Variants in PAX7 observed in about 807,000 individuals in gnomAD.
PAX7 encodes the protein paired box 7.
In PAX7, 18 loss-of-function variants were observed where a neutral mutation model predicts 50.7. The observed-to-expected ratio is 0.36, with a 90% CI of 0.25 to 0.53. The LOEUF (loss-of-function observed/expected upper bound fraction) is 0.53, where lower values mean the gene tolerates loss of function less well. Ranked by LOEUF, PAX7 falls within the 20% of genes least tolerant of loss-of-function variation. PAX7 has a pLI of 0.93. For synonymous variants in PAX7, 310 were observed against 290.4 expected, an observed-to-expected ratio of 1.07 and a Z score of -0.69; for missense variants, 644 against 702.9, an observed-to-expected ratio of 0.92 and a Z score of 0.95.
At chr1:18,678,785 A>G (rs2088858455) in intron 4 of PAX7, among the ~76,000 whole-genome samples, 1 of 151,648 alleles carries the variant, frequency 6.6e-6, no homozygotes, top group African/African-American at 2.4e-5. Context: ...AACTAATTTG[A>G]AGCCATCATC....
At chr1:18,723,589 C>T (rs1426301250) in intron 7 of PAX7, among the ~76,000 whole-genome samples, 1 of 152,234 alleles carries the variant, frequency 6.6e-6, no homozygotes, top group Admixed American at 6.5e-5. Flanking sequence ...TAGCCACAAA[C>T]GTGTCCAGGA....
intron 4 of PAX7, among the ~76,000 whole-genome samples, chr1:18,673,829 T>A (rs147528536): frequency 2.1e-4 from 32 of 152,246 alleles, no homozygotes; most frequent in Admixed American, 3.9e-4. Flanking sequence ...GCATTTGCAT[T>A]TGGGGGCCCT....
At chr1:18,677,407 T>C (rs1411766701) in intron 4 of PAX7, among the ~76,000 whole-genome samples, 4 of 152,102 alleles carry the variant, frequency 2.6e-5, no homozygotes, top group Non-Finnish European at 5.9e-5. Flanking sequence ...TCTTTCATGG[T>C]GGCATGATCC....
intron 4 of PAX7, among the ~76,000 whole-genome samples, chr1:18,642,870 C>T (rs111363378): frequency 7.7e-6 from 1 of 129,048 alleles, no homozygotes; most frequent in African/African-American, 3.0e-5. Context: ...AGAGGTGAGG[C>T]GGGGAAGGAG....
At chr1:18,662,416 G>GTTCGTTCA (rs2088613197) in intron 4 of PAX7, among the ~76,000 whole-genome samples, 1 of 151,900 alleles carries the variant, frequency 6.6e-6, no homozygotes, top group Non-Finnish European at 1.5e-5. Flanking sequence ...TCCTTCTTTA[G>GTTCGTTCA]TTCATTCATT....
intron 8 of PAX7, among the ~76,000 whole-genome samples, chr1:18,742,450 T>C (rs113426128): frequency 0.024 from 3,720 of 152,180 alleles, 161 homozygotes; most frequent in African/African-American, 0.083. Context: ...GCCACCGTGC[T>C]CGGGCAGAAT....
At chr1:18,645,525 A>G (rs933715319) in intron 4 of PAX7, among the ~76,000 whole-genome samples, 3 of 152,230 alleles carry the variant, frequency 2.0e-5, no homozygotes, top group African/African-American at 7.2e-5. Context: ...GGTTCTCTAC[A>G]GTCCCAAGCC....
intron 4 of PAX7, among the ~76,000 whole-genome samples, chr1:18,644,755 C>T (rs2088311815): frequency 6.6e-6 from 1 of 152,124 alleles, no homozygotes; most frequent in Non-Finnish European, 1.5e-5. Flanking sequence ...AGCTTCTCCT[C>T]CACCCCACTT....
intron 8 of PAX7, among the ~76,000 whole-genome samples, chr1:18,738,756 G>A (rs1930943941): frequency 6.6e-6 from 1 of 152,072 alleles, no homozygotes; most frequent in South Asian, 2.1e-4. Context: ...GGGAGGGAAG[G>A]GCTGGAGGAA....
chr1:18,645,459 T>C (rs1390407502), intron 4 of PAX7, among the ~76,000 whole-genome samples: 11 of 152,200 alleles, frequency 7.2e-5, no homozygotes, highest in Admixed American at 7.2e-4. Context: ...GTCCTTTCCA[T>C]GGGACCCAGA....
chr1:18,741,702 C>T (rs759988553), intron 8 of PAX7, among the ~76,000 whole-genome samples: 8 of 152,218 alleles, frequency 5.3e-5, no homozygotes, highest in Non-Finnish European at 8.8e-5. Context: ...GGGGAGGCAG[C>T]GGCTGCTGTG....
chr1:18,719,671 T>C (rs562348580), intron 7 of PAX7, among the ~76,000 whole-genome samples: 1 of 152,358 alleles, frequency 6.6e-6, no homozygotes, highest in African/African-American at 2.4e-5. Context: ...CTTCCCTTCT[T>C]GGGCATAGAT....
Position 18,634,623 on chromosome 1 carries a change from AC to A in PAX7, c.321+87del. ...GTGGCCCCTCTTACTACCTCGTGGC[AC>A]CAGGCTGTAGGAAAGTACAGCTGGA... On this transcript the variant is annotated intron_variant, in intron 2 of 8. Coordinates refer to ENST00000420770, the MANE Select transcript of PAX7 (RefSeq NM_001135254.2). This position sits in a 1 kb window ranked among gnomAD's most constrained non-coding sequence, Gnocchi z 4.0. 1 of 1,092,902 alleles carries A rather than the reference AC, an allele frequency of 9.1e-7. No homozygotes were observed. The highest frequency in any genetic ancestry group is 1.4e-6 in the Non-Finnish European group (1 of 736,122). The allele number at this position is 1,092,902 out of a possible 1,614,324, so 67.7% of individuals were successfully genotyped here. A position where few individuals can be genotyped will look rare whatever the true frequency, so the allele number is the denominator to read the frequency against.
intron 4 of PAX7, among the ~76,000 whole-genome samples, chr1:18,656,924 C>T (rs569286167): frequency 1.3e-5 from 2 of 151,374 alleles, no homozygotes; most frequent in Non-Finnish European, 2.9e-5. Flanking sequence ...CCTGGGAGGT[C>T]GAGGTTGCAG....
At chr1:18,719,536 T>G (rs9439730) in intron 7 of PAX7, among the ~76,000 whole-genome samples, 3,258 of 152,320 alleles carry the variant, frequency 0.021, 128 homozygotes, top group African/African-American at 0.075. Flanking sequence ...ACCAGCGGCA[T>G]CGAAGGATTA....
chr1:18,659,094 GAC>G (rs146455304), intron 4 of PAX7, among the ~76,000 whole-genome samples: 13,355 of 152,224 alleles, frequency 0.088, 699 homozygotes, highest in Admixed American at 0.12. Flanking sequence ...GCATGTGTGT[GAC>G]ATGTGTGTGT....
chr1:18,649,733 A>G (rs140783576), intron 4 of PAX7, among the ~76,000 whole-genome samples: 1 of 152,334 alleles, frequency 6.6e-6, no homozygotes, highest in African/African-American at 2.4e-5. Context: ...TGTCCTTTCA[A>G]CAGCAAGGGA....
At chr1:18,695,017 C>A (rs1269651719) in intron 5 of PAX7, among the ~76,000 whole-genome samples, 1 of 152,038 alleles carries the variant, frequency 6.6e-6, no homozygotes, top group Non-Finnish European at 1.5e-5. Flanking sequence ...ATTTTCCAAT[C>A]GTATAATATC....
chr1:18,687,595 C>A (rs1289745937), intron 4 of PAX7, among the ~76,000 whole-genome samples: 4 of 152,170 alleles, frequency 2.6e-5, no homozygotes, highest in Non-Finnish European at 5.9e-5. Context: ...GGGGTCTCTT[C>A]CCCTGAGCTT....
Sources: allele counts gnomAD v4.1 joint callset (sites outside exome capture counted in the v4.1 genomes callset), GRCh38; gene constraint gnomAD v4.1.1; non-coding constraint Gnocchi (gnomAD v3.1); transcripts MANE v1.5; gene names NCBI Gene and HGNC (gene_info 2026-07-23, HGNC 2026-07-21).